The following PDE1A variants were observed in gnomAD, a reference collection of about 807,000 sequenced individuals.
PDE1A encodes phosphodiesterase 1A.
A neutral mutation model predicts 61.7 loss-of-function variants in PDE1A; 35 were observed. That is an observed-to-expected ratio of 0.57 (90% confidence interval 0.43 to 0.75). The LOEUF is 0.75. Among genes scored for constraint, PDE1A ranks in the 30% least tolerant of loss-of-function variants. PDE1A has a pLI of 0.00. For missense variants in PDE1A, 597 were observed against 630.6 expected, an observed-to-expected ratio of 0.95 and a Z score of 0.57; for synonymous variants, 232 against 213.2, an observed-to-expected ratio of 1.09 and a Z score of -0.77.
intron 2 of PDE1A, among the ~76,000 whole-genome samples, chr2:182,260,995 TAG>T (rs971800554): frequency 1.3e-5 from 2 of 152,218 alleles, no homozygotes; most frequent in Admixed American, 6.5e-5. Context: ...CTGGTAATAA[TAG>T]AGTTTCTATT....
intron 1 of PDE1A, among the ~76,000 whole-genome samples, chr2:182,419,091 C>A (rs1703107209): frequency 6.6e-6 from 1 of 151,698 alleles, no homozygotes; most frequent in African/African-American, 2.4e-5. Flanking sequence ...AAACATTGTA[C>A]TGATAGGAAG....
the PDE1A span, among the ~76,000 whole-genome samples, chr2:182,688,052 C>G: frequency 1.3e-5 from 2 of 152,160 alleles, no homozygotes; most frequent in East Asian, 1.9e-4. Flanking sequence ...CTAGGTCTGA[C>G]TGGTGTACCT....
At chr2:182,490,810 T>C (rs1240481864) in intron 2 of PDE1A, among the ~76,000 whole-genome samples, 4 of 152,186 alleles carry the variant, frequency 2.6e-5, no homozygotes, top group African/African-American at 9.7e-5. Flanking sequence ...CAATATACTT[T>C]AGTATACAAG....
the PDE1A span, among the ~76,000 whole-genome samples, chr2:182,685,993 C>T: frequency 1.3e-5 from 2 of 152,104 alleles, no homozygotes; most frequent in Non-Finnish European, 2.9e-5. Context: ...TACCACATAA[C>T]GAGCTTGATT....
At chr2:182,384,084 C>T (rs1218941333) in intron 1 of PDE1A, among the ~76,000 whole-genome samples, 1 of 152,190 alleles carries the variant, frequency 6.6e-6, no homozygotes, top group Non-Finnish European at 1.5e-5. Flanking sequence ...TCAGCAGCTC[C>T]ATGCTCCAGA....
chr2:182,475,695 C>T (rs1687312193), intron 2 of PDE1A, among the ~76,000 whole-genome samples: 1 of 151,822 alleles, frequency 6.6e-6, no homozygotes, highest in Non-Finnish European at 1.5e-5. Flanking sequence ...ATTTTTTTGT[C>T]AACTCTCTTG....
chr2:182,332,761 C>T (rs113577074), intron 1 of PDE1A, among the ~76,000 whole-genome samples: 187 of 152,168 alleles, frequency 1.2e-3, no homozygotes, highest in African/African-American at 4.5e-3. Flanking sequence ...CCAGAGCTCT[C>T]CTGTATGAGG....
the PDE1A span, among the ~76,000 whole-genome samples, chr2:182,649,382 G>T: frequency 6.6e-6 from 1 of 152,102 alleles, no homozygotes; most frequent in African/African-American, 2.4e-5. Context: ...TAGGAATAAA[G>T]TCCCAGCCGT....
At chr2:182,684,208 A>G in the PDE1A span, among the ~76,000 whole-genome samples, 7 of 152,026 alleles carry the variant, frequency 4.6e-5, no homozygotes, top group African/African-American at 1.7e-4. Flanking sequence ...AAAATGATAC[A>G]CCAAAACTAT....
downstream of PDE1A, among the ~76,000 whole-genome samples, chr2:182,166,793 T>A (rs1269912173): frequency 6.6e-6 from 1 of 152,184 alleles, no homozygotes; most frequent in Non-Finnish European, 1.5e-5. Context: ...ATAGATGAAA[T>A]AAATATACTT....
chr2:182,247,181 G>A (rs1046943969), intron 2 of PDE1A, among the ~76,000 whole-genome samples: 11 of 151,010 alleles, frequency 7.3e-5, no homozygotes, highest in African/African-American at 2.2e-4. Context: ...AAATTGTGGG[G>A]AAACATATAT....
At chr2:182,643,728 A>G in the PDE1A span, among the ~76,000 whole-genome samples, 1 of 152,182 alleles carries the variant, frequency 6.6e-6, no homozygotes, top group Non-Finnish European at 1.5e-5. Context: ...AACAATGGCT[A>G]CTGTTCAGGG....
At chr2:182,522,488 A>G in intron 1 of PDE1A, 23 of 1,544,052 alleles carry the variant, frequency 1.5e-5, no homozygotes, top group Non-Finnish European at 2.0e-5. Flanking sequence ...TTATCTATCA[A>G]AACAGTGCTG....
At chr2:182,524,338 C>T (rs991890265), upstream of PDE1A, among the ~76,000 whole-genome samples, 2 of 152,156 alleles carry the variant, frequency 1.3e-5, no homozygotes, top group African/African-American at 4.8e-5. Flanking sequence ...TGAGGCTATA[C>T]AGATGATTTT....
Position 182,242,270 on chromosome 2 carries a change from G to T in PDE1A, c.168-1978C>A, listed in dbSNP as rs2170403. On this transcript the variant is annotated intron_variant, in intron 2 of 13. Transcript: ENST00000351439. ...ACATGACAAAACCAGCATATGGAAG[G>T]GATATTCCACATAGTAGAGTGGTAC... Among the ~76,000 whole-genome samples, 108,455 of 152,130 alleles carry T rather than the reference G, an allele frequency of 0.71. 39,113 individuals are homozygous for T. Among genetic ancestry groups the T allele is most frequent in the African/African-American group, 0.83 (34,350 of 41,522 alleles).
chr2:182,513,536 A>C (rs1039383763), intron 2 of PDE1A, among the ~76,000 whole-genome samples: 1 of 152,218 alleles, frequency 6.6e-6, no homozygotes, highest in African/African-American at 2.4e-5. Flanking sequence ...AAGCTTGTAC[A>C]CAATCAAGTC....
the PDE1A span, among the ~76,000 whole-genome samples, chr2:182,659,785 T>C: frequency 2.6e-5 from 4 of 152,226 alleles, no homozygotes; most frequent in Non-Finnish European, 4.4e-5. Context: ...CCTTGTAAAC[T>C]ATAAATGTAG....
chr2:182,417,366 G>C (rs1251747261), intron 1 of PDE1A, among the ~76,000 whole-genome samples: 1 of 152,116 alleles, frequency 6.6e-6, no homozygotes, highest in Admixed American at 6.5e-5. Context: ...GTGGCTTAGG[G>C]AATTTAAGAA....
intron 1 of PDE1A, among the ~76,000 whole-genome samples, chr2:182,390,517 A>G (rs1701360302): frequency 6.6e-6 from 1 of 152,154 alleles, no homozygotes; most frequent in African/African-American, 2.4e-5. Context: ...ACGAAAGAAA[A>G]CAATGACCTC....
Sources: gnomAD v4.1 joint callset for allele counts (sites outside exome capture counted in the v4.1 genomes callset) on GRCh38, gnomAD v4.1.1 for gene constraint, MANE v1.5 for transcripts, NCBI Gene and HGNC (gene_info 2026-07-23, HGNC 2026-07-21) for gene names.